Variants in ATP6V1C2 observed in about 807,000 individuals in gnomAD.
The protein encoded by ATP6V1C2 is V-type proton ATPase subunit C 2.
In ATP6V1C2, 45 loss-of-function variants were observed where a neutral mutation model predicts 56.8. The ratio of observed to expected loss-of-function variants is 0.79; its 90% CI spans 0.62 to 1.02. The LOEUF (loss-of-function observed/expected upper bound fraction) is 1.02. Among genes scored for constraint, ATP6V1C2 ranks in the 50% least tolerant of loss-of-function variants. ATP6V1C2 has a pLI of 0.00. For synonymous variants in ATP6V1C2, 220 were observed against 201.3 expected (o/e 1.09, Z -0.79); for missense variants, 463 against 519.7 (o/e 0.89, Z 1.06).
rs185583974 is a variant in ATP6V1C2, at chr2:10,722,725, G to A, written c.-26-99G>A. ...ATGGATGTCCTTGGAGCTCATCCTAGAAAGGATGAATTGGAGGGTAGGGAG... is the reference window on the plus strand; with the variant it reads ...ATGGATGTCCTTGGAGCTCATCCTAAAAAGGATGAATTGGAGGGTAGGGAG... On this transcript the variant is annotated intron_variant, in intron 1 of 13. Transcript: ENST00000272238. The A allele has an allele frequency of 3.1e-6, 4 of 1,307,140 alleles. No homozygotes were observed. In the East Asian group the frequency reaches 7.0e-5, roughly 23 times the overall value. The allele number at this position is 1,307,140 out of a possible 1,614,324, so 81.0% of individuals were successfully genotyped here. A position where few individuals can be genotyped will look rare whatever the true frequency, so the allele number is the denominator to read the frequency against.
intron 3 of ATP6V1C2, among the ~76,000 whole-genome samples, chr2:10,745,168 C>T (rs1206361559): frequency 2.7e-5 from 4 of 147,936 alleles, no homozygotes; most frequent in Admixed American, 6.8e-5. Context: ...CTCAGCCTCC[C>T]GAGTATCTGG....
chr2:10,768,282 A>G (rs1336191387), intron 5 of ATP6V1C2: 6 of 171,492 alleles, frequency 3.5e-5, no homozygotes, highest in African/African-American at 1.4e-4. Context: ...GTTTCTGTCC[A>G]CTGCACCTCC....
chr2:10,753,434 G>A (rs1663333548), intron 3 of ATP6V1C2, among the ~76,000 whole-genome samples: 1 of 152,080 alleles, frequency 6.6e-6, no homozygotes, highest in African/African-American at 2.4e-5. Context: ...GCAGCGTGCT[G>A]TGAAGAACAT....
chr2:10,731,778 A>G (rs954887173), intron 3 of ATP6V1C2, among the ~76,000 whole-genome samples: 5 of 151,998 alleles, frequency 3.3e-5, no homozygotes, highest in African/African-American at 1.2e-4. Context: ...GTTCAAGACC[A>G]TCCTGGGTGA....
chr2:10,734,144 G>T (rs891454296), intron 3 of ATP6V1C2, among the ~76,000 whole-genome samples: 3 of 152,148 alleles, frequency 2.0e-5, no homozygotes, highest in African/African-American at 7.2e-5. Flanking sequence ...ATGCATGGTG[G>T]GTTGCTCTAA....
At chr2:10,781,127 CAG>C (rs1374188423) in intron 12 of ATP6V1C2, among the ~76,000 whole-genome samples, 12 of 152,242 alleles carry the variant, frequency 7.9e-5, no homozygotes, top group African/African-American at 2.4e-4. Context: ...CGGAAGAACT[CAG>C]AGGCTGAGGA....
chr2:10,744,738 G>A (rs1369963883), intron 3 of ATP6V1C2, among the ~76,000 whole-genome samples: 20 of 142,656 alleles, frequency 1.4e-4, no homozygotes, highest in African/African-American at 3.1e-4. Flanking sequence ...GCGTGATCTC[G>A]GCTCACTGCA....
At chr2:10,748,941 C>T (rs1663064614) in intron 3 of ATP6V1C2, among the ~76,000 whole-genome samples, 2 of 151,598 alleles carry the variant, frequency 1.3e-5, no homozygotes, top group Admixed American at 1.3e-4. Flanking sequence ...CCAGCCTGGC[C>T]AACATGGTGA....
chr2:10,771,428 C>G (rs1241959298), intron 6 of ATP6V1C2, among the ~76,000 whole-genome samples: 1 of 152,356 alleles, frequency 6.6e-6, no homozygotes, highest in South Asian at 2.1e-4. Flanking sequence ...TCGAGGACGG[C>G]TCAACGCAGC....
chr2:10,764,204 T>A, intron 4 of ATP6V1C2, 127 bp from the exon 5 acceptor site: 1 of 774,828 alleles, frequency 1.3e-6, no homozygotes, highest in South Asian at 1.6e-5. Flanking sequence ...GCCCTGTGCC[T>A]GCCCGCCGGC....
chr2:10,762,216 G>T (rs1663954217), intron 4 of ATP6V1C2, among the ~76,000 whole-genome samples: 1 of 150,680 alleles, frequency 6.6e-6, no homozygotes, highest in Non-Finnish European at 1.5e-5. Flanking sequence ...CTCATTCTTG[G>T]CTCACTGCAA....
chr2:10,778,588 G>A lies in ATP6V1C2; in HGVS notation c.980G>A (p.Trp327Ter). Reference protein sequence around the residue: ...EGEGEGPLLRWLKVNFSEAFI... With the variant: ...EGEGEGPLLR ...TCTTTGCAGGGCCCCCTGCTGCGCT[G>A]GCTCAAGGTGAACTTCAGTGAAGCC... Residue 327 changes from tryptophan (W) to a stop codon, truncating the protein, a stop_gained, in exon 12 of 14, where the codon TGG becomes TAG. Transcript: ENST00000272238. LOFTEE classifies it high-confidence loss of function. 6.2e-7 allele frequency: 1 copy of A among 1,614,208 alleles called. No individual in the cohort carries two copies. The highest frequency in any genetic ancestry group is 8.5e-7 in the Non-Finnish European group (1 of 1,180,032).
Position 10,781,271 on chromosome 2 carries a change from G to A in ATP6V1C2, c.1062-972G>A, listed in dbSNP as rs188677564. ...GAGGAGCGCCTTAAGCTTTAAGGAC[G>A]TGTCCTAGATGAATAAACAACCTCC... is the stretch of plus-strand genomic sequence containing the variant. On this transcript the variant is annotated intron_variant, in intron 12 of 13. Coordinates refer to ENST00000272238, the MANE Select transcript of ATP6V1C2 (RefSeq NM_001039362.2). Among the ~76,000 whole-genome samples the A allele has an allele frequency of 4.8e-3, 734 of 152,244 alleles. 5 individuals are homozygous for A. Among genetic ancestry groups the A allele is most frequent in the African/African-American group, 0.016 (667 of 41,544 alleles).
At chr2:10,777,448 C>T (rs1558426558) in intron 10 of ATP6V1C2, 137 bp from the exon 11 acceptor site, 1 of 1,121,072 alleles carries the variant, frequency 8.9e-7, no homozygotes, top group East Asian at 2.5e-5. Context: ...CATCTCTAGT[C>T]TAGCCAGCAC....
At position 10,778,557 on chromosome 2, in the gene ATP6V1C2, C is replaced by T. The variant is rs1665146708; in HGVS notation, c.964-15C>T. Reference sequence around the variant, plus strand: ...GGTGTTCAGCAGGGGTCACCTGGCTCTTCTGTCTTTGCAGGGCCCCCTGCT... The same window carrying T: ...GGTGTTCAGCAGGGGTCACCTGGCTTTTCTGTCTTTGCAGGGCCCCCTGCT... On this transcript the variant is annotated splice_polypyrimidine_tract_variant and intron_variant, in intron 11 of 13. Coordinates refer to ENST00000272238, the MANE Select transcript of ATP6V1C2 (RefSeq NM_001039362.2). 6.2e-7 allele frequency: 1 copy of T among 1,613,606 alleles called. No individual in the cohort carries two copies. Among genetic ancestry groups the T allele is most frequent in the East Asian group, 2.2e-5 (1 of 44,876 alleles).
chr2:10,722,927 C>T lies in ATP6V1C2; in HGVS notation c.78C>T (p.Thr26=). ...CTCTGGAGAGGATGAATACTGTAACCTCCAAGTCCAACCTGTCTTATAATA... is the reference window on the plus strand; with the variant it reads ...CTCTGGAGAGGATGAATACTGTAACTTCCAAGTCCAACCTGTCTTATAATA... The part of the protein sequence containing the change: ...LQALERMNTV[T]SKSNLSYNTK... Residue 26 remains threonine, a synonymous_variant, in exon 2 of 14, where the codon ACC becomes ACT. Coordinates refer to ENST00000272238, the MANE Select transcript of ATP6V1C2 (RefSeq NM_001039362.2). 6.2e-7 allele frequency: 1 copy of T among 1,614,120 alleles called. No homozygotes were observed. Among genetic ancestry groups the T allele is most frequent in the Non-Finnish European group, 8.5e-7 (1 of 1,180,022 alleles).
intron 2 of ATP6V1C2, 44 bp downstream of exon 2, chr2:10,723,022 G>A (rs1553322113): frequency 6.2e-7 from 1 of 1,609,152 alleles, no homozygotes; most frequent in Non-Finnish European, 8.5e-7. Flanking sequence ...GATTGGTCAG[G>A]GGGAGACAGG....
At position 10,784,004 on chromosome 2, in the gene ATP6V1C2, C is replaced by A. The variant is rs1429533013; in HGVS notation, c.*741C>A. 9.5e-6 allele frequency: 3 copies of A among 314,672 alleles called. No individual in the cohort carries two copies. The highest frequency in any genetic ancestry group is 6.5e-5 in the African/African-American group (3 of 46,496). 19.5% of individuals were successfully genotyped at this position (314,672 alleles called of 1,614,324 possible). A position where few individuals can be genotyped will look rare whatever the true frequency, so the allele number is the denominator to read the frequency against. The stretch of plus-strand genomic sequence containing the variant: ...TCAGAGAGAAAAATGTTTCGACAGC[C>A]AAGTTTTCTTCAAAATATTATGTGA... On this transcript the variant is annotated 3_prime_UTR_variant, in exon 14 of 14. Transcript: ENST00000272238.
chr2:10,774,803 C>T lies in ATP6V1C2; in HGVS notation c.654C>T (p.Asp218=). The T allele has an allele frequency of 1.2e-6, 2 of 1,614,064 alleles. No individual in the cohort carries two copies. Among genetic ancestry groups the T allele is most frequent in the Non-Finnish European group, 1.7e-6 (2 of 1,179,934 alleles). Reference sequence around the variant, plus strand: ...TCTCCAACAGACTCATTACTGAGGACAAGGAAGGGGGCCTTTTCACTGTGA... The same window carrying T: ...TCTCCAACAGACTCATTACTGAGGATAAGGAAGGGGGCCTTTTCACTGTGA... The part of the protein sequence containing the change: ...VPRSTKLITE[D]KEGGLFTVTL... The change falls in exon 9 of 14, where the codon GAC becomes GAT. Residue 218 remains aspartate, a synonymous_variant. Transcript: ENST00000272238.
Sources: allele counts gnomAD v4.1 joint callset (sites outside exome capture counted in the v4.1 genomes callset), GRCh38; gene constraint gnomAD v4.1.1; transcripts MANE v1.5; gene names NCBI Gene and HGNC (gene_info 2026-07-23, HGNC 2026-07-21).